Variants in RPN2 observed in about 807,000 individuals in gnomAD.
RPN2 encodes dolichyl-diphosphooligosaccharide--protein glycosyltransferase subunit 2.
A neutral mutation model predicts 71.4 loss-of-function variants in RPN2; 29 were observed. The ratio of observed to expected loss-of-function variants is 0.41; its 90% CI spans 0.30 to 0.55. RPN2 has a LOEUF of 0.55. RPN2 is among the 20% of genes least tolerant of loss of function. RPN2 has a pLI of 0.35. For missense variants in RPN2, 726 were observed against 774.1 expected (o/e 0.94, Z 0.74); for synonymous variants, 308 against 305.0 (o/e 1.01, Z -0.10).
intron 2 of RPN2, among the ~76,000 whole-genome samples, chr20:37,197,609 A>G (rs1007044247): frequency 6.6e-6 from 1 of 151,936 alleles, no homozygotes; most frequent in Non-Finnish European, 1.5e-5. Flanking sequence ...TTTCTTTTTT[A>G]TTTTTATTTT....
At chr20:37,224,948 C>T (rs987377224) in intron 10 of RPN2, among the ~76,000 whole-genome samples, 5 of 152,118 alleles carry the variant, frequency 3.3e-5, no homozygotes, top group Non-Finnish European at 7.4e-5. Flanking sequence ...TCTGTGCGAG[C>T]GCTTTGCTGT....
chr20:37,198,406 A>G lies in RPN2; in HGVS notation c.217A>G (p.Thr73Ala). The stretch of plus-strand genomic sequence containing the variant: ...TTTCCCCACTGTGTAGAAAGCATGT[A>G]CCTACATCAGATCTAACCTTGATCC... ...AQVPDAKKAC[T>A]YIRSNLDPSN... Residue 73 changes from threonine (T) to alanine (A), a missense_variant, in exon 3 of 17, where the codon ACC becomes GCC. Thr to Ala is a moderately conservative substitution (Grantham distance 58, BLOSUM62 0). Coordinates refer to ENST00000237530, the MANE Select transcript of RPN2 (RefSeq NM_002951.5). 6.2e-7 allele frequency: 1 copy of G among 1,614,218 alleles called. No homozygotes were observed. Among genetic ancestry groups the G allele is most frequent in the South Asian group, 1.1e-5 (1 of 91,084 alleles).
chr20:37,212,723 C>T (rs1342469041), intron 8 of RPN2, among the ~76,000 whole-genome samples: 1 of 152,052 alleles, frequency 6.6e-6, no homozygotes, highest in African/African-American at 2.4e-5. Flanking sequence ...TAAAGTGACC[C>T]GCCTGCCTTG....
At chr20:37,236,021 T>G (rs2068376991) in intron 15 of RPN2, among the ~76,000 whole-genome samples, 1 of 152,168 alleles carries the variant, frequency 6.6e-6, no homozygotes. Context: ...AGAGGAGTTT[T>G]AAACAAAAGC....
chr20:37,212,724 G>A (rs955888182), intron 8 of RPN2, among the ~76,000 whole-genome samples: 7 of 152,008 alleles, frequency 4.6e-5, no homozygotes, highest in African/African-American at 1.2e-4. Context: ...AAAGTGACCC[G>A]CCTGCCTTGG....
chr20:37,182,900 G>T (rs1177077491), intron 1 of RPN2, among the ~76,000 whole-genome samples: 1 of 152,134 alleles, frequency 6.6e-6, no homozygotes, highest in Non-Finnish European at 1.5e-5. Context: ...TACCACTCCT[G>T]CAGCTTCCTG....
intron 9 of RPN2, among the ~76,000 whole-genome samples, chr20:37,216,368 G>GT (rs2067804393): frequency 6.6e-6 from 1 of 152,102 alleles, no homozygotes; most frequent in Admixed American, 6.5e-5. Context: ...TAAAATACAA[G>GT]TTTTTTTGCT....
Position 37,213,812 on chromosome 20 carries a change from G to T in RPN2, c.1039G>T (p.Asp347Tyr). The T allele has an allele frequency of 6.2e-7, 1 of 1,614,148 alleles. No homozygotes were observed. Among genetic ancestry groups the T allele is most frequent in the Non-Finnish European group, 8.5e-7 (1 of 1,179,998 alleles). The change falls in exon 9 of 17, where the codon GAC (aspartate) becomes TAC (tyrosine). Residue 347 changes from aspartate (D) to tyrosine (Y), a missense_variant. By Grantham distance (160) the Asp-to-Tyr change is radical. Transcript: ENST00000237530. The stretch of plus-strand genomic sequence containing the variant: ...CGTCAAATTTTCCAGTGGTTATTAT[G>T]ACTTCCTTGTCGAAGTTGAAGGTGA... ...MNVKFSSGYY[D>Y]FLVEVEGDNR...
intron 13 of RPN2, among the ~76,000 whole-genome samples, chr20:37,230,498 C>T (rs1030459718): frequency 1.3e-5 from 2 of 152,166 alleles, no homozygotes; most frequent in African/African-American, 4.8e-5. Context: ...GTCCTGCACG[C>T]AGGACTGTTG....
At chr20:37,191,103 A>G (rs747310711) in intron 2 of RPN2, among the ~76,000 whole-genome samples, 1 of 152,182 alleles carries the variant, frequency 6.6e-6, no homozygotes, top group African/African-American at 2.4e-5. Context: ...TAGCAGCAAA[A>G]CTGGGAGAAA....
chr20:37,184,369 C>G lies in RPN2; in HGVS notation c.203C>G (p.Ala68Gly), dbSNP rs747752848. The G allele has an allele frequency of 6.2e-7, 1 of 1,613,948 alleles. No homozygotes were observed. Among genetic ancestry groups the G allele is most frequent in the East Asian group, 2.2e-5 (1 of 44,882 alleles). ...AGCCTTGGTGCTCAGGTGCCAGATG[C>G]AAAGGTAAGGCTGCTTTTGTCCTGG... ...LSSLGAQVPD[A>G]KKACTYIRSN... The change falls in exon 2 of 17, where the codon GCA becomes GGA. Residue 68 changes from alanine to glycine, a missense_variant. Transcript: ENST00000237530.
chr20:37,188,298 G>A (rs2067060106), intron 2 of RPN2, among the ~76,000 whole-genome samples: 1 of 151,790 alleles, frequency 6.6e-6, no homozygotes, highest in Non-Finnish European at 1.5e-5. Context: ...CCTCCTATAG[G>A]TGCACGCCAC....
chr20:37,197,341 A>G (rs1176846474), intron 2 of RPN2, among the ~76,000 whole-genome samples: 1 of 152,218 alleles, frequency 6.6e-6, no homozygotes, highest in Non-Finnish European at 1.5e-5. Flanking sequence ...AATGGATTGC[A>G]TGGCTTTAGA....
At chr20:37,220,210 TGAGA>T (rs144403550) in intron 9 of RPN2, among the ~76,000 whole-genome samples, 46 of 151,034 alleles carry the variant, frequency 3.0e-4, no homozygotes, top group East Asian at 1.4e-3. Flanking sequence ...TGTGTGAGTG[TGAGA>T]GAGAGAGAGA....
At chr20:37,183,515 G>T (rs919630904) in intron 1 of RPN2, among the ~76,000 whole-genome samples, 2 of 152,102 alleles carry the variant, frequency 1.3e-5, no homozygotes, top group African/African-American at 2.4e-5. Flanking sequence ...GTATTAACTC[G>T]TGTAATTGTA....
intron 4 of RPN2, among the ~76,000 whole-genome samples, chr20:37,199,795 G>GT (rs1033956572): frequency 4.6e-5 from 7 of 152,104 alleles, no homozygotes; most frequent in Non-Finnish European, 1.0e-4. Flanking sequence ...ACTTCAGGGT[G>GT]TTTTTTGCTA....
chr20:37,198,980 G>T, intron 3 of RPN2, 70 bp from the exon 4 acceptor site: 1 of 1,282,906 alleles, frequency 7.8e-7, no homozygotes, highest in Non-Finnish European at 1.1e-6. Flanking sequence ...TCCGCATTCT[G>T]TCTTTGCCAT....
chr20:37,236,791 G>A, intron 16 of RPN2, 82 bp downstream of exon 16: 2 of 1,436,818 alleles, frequency 1.4e-6, no homozygotes, highest in Non-Finnish European at 2.0e-6. Context: ...AAGGGTAGGT[G>A]GCAAAATGAT....
chr20:37,192,184 A>G (rs1250765959), intron 2 of RPN2, among the ~76,000 whole-genome samples: 1 of 152,218 alleles, frequency 6.6e-6, no homozygotes, highest in Non-Finnish European at 1.5e-5. Context: ...TAAAGTGCTT[A>G]GTGTAGTGCC....
Sources: allele counts gnomAD v4.1 joint callset (sites outside exome capture counted in the v4.1 genomes callset), GRCh38; gene constraint gnomAD v4.1.1; transcripts MANE v1.5; gene names NCBI Gene and HGNC (gene_info 2026-07-23, HGNC 2026-07-21).